The following LOXL4 variants were observed in gnomAD, a reference collection of about 807,000 sequenced individuals.
The protein encoded by LOXL4 is lysyl oxidase like 4, also known as lysyl oxidase homolog 4.
LOXL4 carries 72 observed loss-of-function variants against 89.1 expected under a neutral mutation model. The ratio of observed to expected loss-of-function variants is 0.81; its 90% CI spans 0.67 to 0.98. LOXL4 has a LOEUF of 0.98. Among genes scored for constraint, LOXL4 ranks in the 50% least tolerant of loss-of-function variants. The pLI, the probability that LOXL4 is intolerant of heterozygous loss-of-function variation, is 0.00. For synonymous variants in LOXL4, 355 were observed against 392.1 expected, an observed-to-expected ratio of 0.91 and a Z score of 1.12; for missense variants, 984 against 1,017.5, an observed-to-expected ratio of 0.97 and a Z score of 0.45.
chr10:98,249,059 A>G (rs1789587291), intron 14 of LOXL4, 68 bp from the exon 15 acceptor site: 9 of 1,214,870 alleles, frequency 7.4e-6, no homozygotes, highest in East Asian at 2.3e-5. Flanking sequence ...GACAACTTAC[A>G]TAGATCCACT....
rs747798223 is a variant in LOXL4, at chr10:98,261,049, C to T, written c.535G>A (p.Val179Met). Reference sequence around the variant, plus strand: ...CAGTGGCCCTCATACTTCACCTCCACGGCTCCCTCGGTCACTGGGCTATGC... The same window carrying T: ...CAGTGGCCCTCATACTTCACCTCCATGGCTCCCTCGGTCACTGGGCTATGC... Reference protein sequence around the residue: ...KQHSPVTEGAVEVKYEGHWRQ... With the variant: ...KQHSPVTEGAMEVKYEGHWRQ... The change falls in exon 4 of 15, where the codon GTG (valine) becomes ATG (methionine). Residue 179 changes from valine (V) to methionine (M), a missense_variant. Physicochemically the swap from Val to Met is conservative, Grantham distance 21. Coordinates refer to ENST00000260702, the MANE Select transcript of LOXL4 (RefSeq NM_032211.7). 14 of 1,613,930 alleles carry T rather than the reference C, an allele frequency of 8.7e-6. No individual in the cohort carries two copies. In the East Asian group the frequency reaches 1.6e-4, roughly 18 times the overall value.
chr10:98,256,687 T>A lies in LOXL4; in HGVS notation c.1428+93A>T, dbSNP rs1590879313. 4 of 1,466,146 alleles carry A rather than the reference T, an allele frequency of 2.7e-6. No individual in the cohort carries two copies. The East Asian group carries it at 9.1e-5, about 33-fold the overall frequency. 90.8% of individuals were successfully genotyped at this position (1,466,146 alleles called of 1,614,324 possible). On this transcript the variant is annotated intron_variant, in intron 9 of 14. Transcript: ENST00000260702. The stretch of plus-strand genomic sequence containing the variant: ...TTTCACTCAGTAATGAATTGCCAAA[T>A]GGGCAAAGAGGCAGCAGCTTTAGCA...
intron 1 of LOXL4, among the ~76,000 whole-genome samples, chr10:98,265,799 G>A (rs1409287429): frequency 1.3e-5 from 2 of 152,268 alleles, no homozygotes; most frequent in Middle Eastern, 3.4e-3. Flanking sequence ...TGGAGGCCAC[G>A]TCCGATCTCA....
chr10:98,266,170 G>A (rs1210049447), intron 1 of LOXL4, among the ~76,000 whole-genome samples: 2 of 152,294 alleles, frequency 1.3e-5, no homozygotes, highest in African/African-American at 4.8e-5. Context: ...GGGACAGATC[G>A]GCCTCAGGTC....
intron 4 of LOXL4, among the ~76,000 whole-genome samples, chr10:98,259,735 G>A (rs1214826978): frequency 6.6e-6 from 1 of 152,196 alleles, no homozygotes; most frequent in Non-Finnish European, 1.5e-5. Flanking sequence ...AAGAGAAGGG[G>A]CCCTCTGGGG....
intron 1 of LOXL4, among the ~76,000 whole-genome samples, chr10:98,265,980 C>A (rs1375919552): frequency 1.3e-5 from 2 of 152,212 alleles, no homozygotes; most frequent in Non-Finnish European, 2.9e-5. Context: ...CCCACGCTTC[C>A]TTTCCAGACT....
chr10:98,253,808 G>T lies in LOXL4; in HGVS notation c.1592-12C>A. The T allele has an allele frequency of 6.2e-7, 1 of 1,613,492 alleles. No homozygotes were observed. The highest frequency in any genetic ancestry group is 8.5e-7 in the Non-Finnish European group (1 of 1,179,918). On this transcript the variant is annotated splice_polypyrimidine_tract_variant and intron_variant, in intron 10 of 14. Coordinates refer to ENST00000260702, the MANE Select transcript of LOXL4 (RefSeq NM_032211.7). Reference sequence around the variant, plus strand: ...CAGGTCTGGTGCACCTGGGGCGGCGGAGGGCATGGCAGTGACTCAAAGGGT... The same window carrying T: ...CAGGTCTGGTGCACCTGGGGCGGCGTAGGGCATGGCAGTGACTCAAAGGGT...
At position 98,248,909 on chromosome 10, in the gene LOXL4, G is replaced by T. The variant is rs771359372; in HGVS notation, c.*12C>A. ...GTGTATCGGCAGCAGCTAGGAGTGT[G>T]CAGTGACAGCTTCAGATGAGGTTGT... On this transcript the variant is annotated 3_prime_UTR_variant, in exon 15 of 15. Transcript: ENST00000260702. 2 of 1,609,560 alleles carry T rather than the reference G, an allele frequency of 1.2e-6. No homozygotes were observed. The highest frequency in any genetic ancestry group is 3.3e-5 in the Admixed American group (2 of 59,876).
intron 5 of LOXL4, 26 bp downstream of exon 5, chr10:98,259,365 C>T (rs1381842526): frequency 6.2e-7 from 1 of 1,611,944 alleles, no homozygotes; most frequent in African/African-American, 1.3e-5. Context: ...CCCTTTGCCT[C>T]CTCCCTCTAG....
intron 10 of LOXL4, among the ~76,000 whole-genome samples, chr10:98,254,612 G>A (rs747516388): frequency 3.7e-4 from 56 of 152,246 alleles, no homozygotes; most frequent in Non-Finnish European, 4.6e-4. Flanking sequence ...AAAAACAGGT[G>A]GTTACAGAGA....
chr10:98,256,787 G>T lies in LOXL4; in HGVS notation c.1421C>A (p.Ala474Asp), dbSNP rs1292046705. Residue 474 changes from alanine (A) to aspartate (D), a missense_variant, in exon 9 of 15, where the codon GCC (alanine) becomes GAC (aspartate). Coordinates refer to ENST00000260702, the MANE Select transcript of LOXL4 (RefSeq NM_032211.7). ...AACAACAGAGGGACCTACCTTGTAG[G>T]CATGGATGGCAAAACCCAGGCCGAG... ...RQLGLGFAIH[A>D]YKETWFWSGT... is the part of the protein sequence containing the mutation. 4 of 1,614,100 alleles carry T rather than the reference G, an allele frequency of 2.5e-6. No individual in the cohort carries two copies. Among genetic ancestry groups the T allele is most frequent in the South Asian group, 1.1e-5 (1 of 91,090 alleles).
At chr10:98,260,577 G>A (rs1858508355) in intron 4 of LOXL4, among the ~76,000 whole-genome samples, 1 of 152,106 alleles carries the variant, frequency 6.6e-6, no homozygotes, top group Admixed American at 6.5e-5. Flanking sequence ...GGATCCTGAA[G>A]GTCCTCCTTA....
chr10:98,262,871 T>G lies in LOXL4; in HGVS notation c.149A>C (p.His50Pro). Residue 50 changes from histidine (H) to proline (P), a missense_variant, in exon 2 of 15, where the codon CAC (histidine) becomes CCC (proline). Transcript: ENST00000260702. ...KPEEGRLEVLHQGQWGTVCDD... is the reference protein window; with the variant it reads ...KPEEGRLEVLPQGQWGTVCDD... ...ACACACGGTGCCCCACTGGCCCTGG[T>G]GCAGCACCTCCAGGCGGCCCTCCTC... The G allele has an allele frequency of 6.2e-7, 1 of 1,613,730 alleles. No homozygotes were observed. Among genetic ancestry groups the G allele is most frequent in the Non-Finnish European group, 8.5e-7 (1 of 1,180,036 alleles).
In LOXL4 at chr10:98,262,027, C is replaced by G. The variant is rs745754863; in HGVS notation, c.456+8G>C. On this transcript the variant is annotated splice_region_variant and intron_variant, in intron 3 of 14. Coordinates refer to ENST00000260702, the MANE Select transcript of LOXL4 (RefSeq NM_032211.7). ...TGGCTCAGACCAGAGCCTGAACAGC[C>G]TCCTCACCTGGGGCCCAAGGGCATT... 1.3e-5 allele frequency: 21 copies of G among 1,600,268 alleles called. No individual in the cohort carries two copies. Among genetic ancestry groups the G allele is most frequent in the Non-Finnish European group, 1.8e-5 (21 of 1,173,414 alleles).
chr10:98,260,337 G>A (rs575599486), intron 4 of LOXL4, among the ~76,000 whole-genome samples: 2 of 152,198 alleles, frequency 1.3e-5, no homozygotes, highest in East Asian at 3.9e-4. Flanking sequence ...AAGCCCTAAC[G>A]CCAGTCACTG....
Position 98,258,154 on chromosome 10 carries a change from A to G in LOXL4, c.932T>C (p.Val311Ala). Residue 311 changes from valine to alanine, a missense_variant, in exon 7 of 15, where the codon GTG becomes GCG. Coordinates refer to ENST00000260702, the MANE Select transcript of LOXL4 (RefSeq NM_032211.7). The stretch of plus-strand genomic sequence containing the variant: ...CACCTGGGCCCCGGAGCGCAGGCGC[A>G]CCCTCGGCTCCTGCTGGGAGAAACC... ...RKGSWAEEPR[V>A]RLRSGAQVGE... 1 of 1,610,656 alleles carries G rather than the reference A, an allele frequency of 6.2e-7. No homozygotes were observed. Among genetic ancestry groups the G allele is most frequent in the Non-Finnish European group, 8.5e-7 (1 of 1,178,270 alleles).
Position 98,252,384 on chromosome 10 carries a change from G to A in LOXL4, c.1920C>T (p.Ser640=), listed in dbSNP as rs767868821. 1.2e-6 allele frequency: 2 copies of A among 1,614,084 alleles called. No homozygotes were observed. The highest frequency in any genetic ancestry group is 1.7e-5 in the Admixed American group (1 of 60,026). Residue 640 remains serine, a synonymous_variant, in exon 12 of 15, where the codon AGC becomes AGT. Coordinates refer to ENST00000260702, the MANE Select transcript of LOXL4 (RefSeq NM_032211.7). The part of the protein sequence containing the change: ...GSKVAEGHKA[S]FCLEDTNCPT... Reference sequence around the variant, plus strand: ...GGCAGTTTGTGTCCTCCAGACAGAAGCTGGCCTTGTGCCCCTCAGCCACCT... The same window carrying A: ...GGCAGTTTGTGTCCTCCAGACAGAAACTGGCCTTGTGCCCCTCAGCCACCT...
rs771955268 is a variant in LOXL4, at chr10:98,257,770, G to A, written c.1140C>T (p.Cys380=). 1 of 1,613,942 alleles carries A rather than the reference G, an allele frequency of 6.2e-7. No homozygotes were observed. The highest frequency in any genetic ancestry group is 8.5e-7 in the Non-Finnish European group (1 of 1,179,900). The change falls in exon 8 of 15, where the codon TGC becomes TGT. Residue 380 remains cysteine (C), a synonymous_variant. Coordinates refer to ENST00000260702, the MANE Select transcript of LOXL4 (RefSeq NM_032211.7). ...CGCTGAGGGTCCGCTCATATCCCCTGCAGCGCACCTCACTCAGGTGGATGG... is the reference window on the plus strand; with the variant it reads ...CGCTGAGGGTCCGCTCATATCCCCTACAGCGCACCTCACTCAGGTGGATGG... The part of the protein sequence containing the change: ...LGPIHLSEVR[C]RGYERTLSDC...
chr10:98,259,253 TG>T (rs777770213), intron 5 of LOXL4, 25 bp from the exon 6 acceptor site: 1 of 1,601,066 alleles, frequency 6.2e-7, no homozygotes, highest in Non-Finnish European at 8.5e-7. Context: ...AGACTGAGGG[TG>T]GAGGAAGGGC....
Sources: allele counts gnomAD v4.1 joint callset (sites outside exome capture counted in the v4.1 genomes callset), GRCh38; gene constraint gnomAD v4.1.1; transcripts MANE v1.5; gene names NCBI Gene and HGNC (gene_info 2026-07-23, HGNC 2026-07-21).